Variants in PRKAR1B observed in about 807,000 individuals in gnomAD.
PRKAR1B encodes cAMP-dependent protein kinase type I-beta regulatory subunit.
PRKAR1B carries 22 observed loss-of-function variants against 46.5 expected under a neutral mutation model. That is an observed-to-expected ratio of 0.47 (90% CI 0.34 to 0.68). The LOEUF is 0.68. Among genes scored for constraint, PRKAR1B ranks in the 30% least tolerant of loss-of-function variants. The probability of loss-of-function intolerance (pLI) is 0.01; values close to 1 mark genes in which losing one functional copy is unlikely to be tolerated. For missense variants in PRKAR1B, 445 were observed against 535.6 expected, an observed-to-expected ratio of 0.83 and a Z score of 1.67; for synonymous variants, 259 against 217.7, an observed-to-expected ratio of 1.19 and a Z score of -1.67.
intron 4 of PRKAR1B, among the ~76,000 whole-genome samples, chr7:642,712 G>A (rs1463264112): frequency 1.4e-5 from 2 of 146,492 alleles, no homozygotes; most frequent in Non-Finnish European, 3.0e-5. Flanking sequence ...CAGCCTGGGC[G>A]ACAGAGCGAG....
rs551143257 is a variant in PRKAR1B, at chr7:711,207, G to C, written c.177+122C>G. ...CGCTTCTGGAAGGACCTGCAGGACG[G>C]CAGACAGTCTCTGGGGCACCCAGCC... On this transcript the variant is annotated intron_variant, in intron 2 of 10. Transcript: ENST00000537384. 4.4e-6 allele frequency: 6 copies of C among 1,350,200 alleles called. No individual in the cohort carries two copies. The East Asian group carries it at 9.4e-5, about 21-fold the overall frequency. The allele number at this position is 1,350,200 out of a possible 1,614,324, so 83.6% of individuals were successfully genotyped here. A position where few individuals can be genotyped will look rare whatever the true frequency, so the allele number is the denominator to read the frequency against.
intron 4 of PRKAR1B, among the ~76,000 whole-genome samples, chr7:624,252 G>C (rs1783261219): frequency 6.6e-6 from 1 of 152,270 alleles, no homozygotes; most frequent in African/African-American, 2.4e-5. Context: ...GGCCAACATG[G>C]GGAAACCCCA....
chr7:617,225 C>T (rs1036941893), intron 4 of PRKAR1B, among the ~76,000 whole-genome samples: 2 of 151,784 alleles, frequency 1.3e-5, no homozygotes, highest in African/African-American at 4.8e-5. Flanking sequence ...GAACTCCTGA[C>T]CTCATGATCC....
intron 4 of PRKAR1B, among the ~76,000 whole-genome samples, chr7:664,851 C>T (rs1200868983): frequency 2.0e-5 from 3 of 152,132 alleles, no homozygotes; most frequent in Admixed American, 2.0e-4. Flanking sequence ...GAAGTCGAGG[C>T]TGCAGTGAGC....
chr7:556,498 C>G (rs958681512), intron 9 of PRKAR1B, among the ~76,000 whole-genome samples: 1 of 152,238 alleles, frequency 6.6e-6, no homozygotes, highest in Non-Finnish European at 1.5e-5. Context: ...GTCAATAACG[C>G]GGAACAGTCT....
At chr7:583,023 C>T (rs1780285935) in intron 8 of PRKAR1B, among the ~76,000 whole-genome samples, 1 of 152,098 alleles carries the variant, frequency 6.6e-6, no homozygotes. Context: ...GCAAATAATC[C>T]ACAGAGACCA....
intron 4 of PRKAR1B, among the ~76,000 whole-genome samples, chr7:611,806 G>A (rs1782510459): frequency 1.4e-5 from 2 of 144,448 alleles, no homozygotes; most frequent in Admixed American, 1.4e-4. Context: ...GGACAGGCGG[G>A]TGGATTGAAC....
intron 7 of PRKAR1B, among the ~76,000 whole-genome samples, chr7:587,512 C>G (rs183379509): frequency 6.6e-6 from 1 of 152,224 alleles, no homozygotes; most frequent in Non-Finnish European, 1.5e-5. Context: ...CTACCCACTG[C>G]CCCCTCTCCT....
Position 576,984 on chromosome 7 carries a change from C to T in PRKAR1B, c.891+2272G>A, listed in dbSNP as rs186061202. On this transcript the variant is annotated intron_variant, in intron 9 of 10. Coordinates refer to ENST00000537384, the MANE Select transcript of PRKAR1B (RefSeq NM_001164760.2). ...ACGCCATCAGCGGCCTCGTCCAACG[C>T]CATCAGCGGCCTCATCCAACTCCAT... Among the ~76,000 whole-genome samples the T allele has an allele frequency of 2.1e-3, 318 of 151,624 alleles. 3 individuals are homozygous for T. The highest frequency in any genetic ancestry group is 2.4e-3 in the Non-Finnish European group (162 of 67,742).
At position 711,377 on chromosome 7, in the gene PRKAR1B, G is replaced by A. The variant is rs776216279; in HGVS notation, c.129C>T (p.Pro43=). The A allele has an allele frequency of 1.2e-5, 19 of 1,614,090 alleles. No homozygotes were observed. In the Admixed American group the frequency reaches 2.5e-4, roughly 21 times the overall value. Residue 43 remains proline (P), a synonymous_variant, in exon 2 of 11, where the codon CCC becomes CCT. Transcript: ENST00000537384. ...CCCGGAGGAACTTCATGGGGCGTTC[G>A]GGCTTGGAGATGCAGAGGTGGACGA... ...DCIVHLCISK[P]ERPMKFLREH...
At chr7:670,684 C>T (rs190961056) in intron 4 of PRKAR1B, among the ~76,000 whole-genome samples, 379 of 148,222 alleles carry the variant, frequency 2.6e-3, no homozygotes, top group African/African-American at 5.9e-3. Context: ...GGACCCAGGA[C>T]GGCCTCCGAG....
rs767410634 is a variant in PRKAR1B, at chr7:714,184, C to A, written c.-22-2657G>T. 2.6e-5 allele frequency among the ~76,000 whole-genome samples: 4 copies of A among 152,250 alleles called. 1 individual carries two copies. The highest frequency in any genetic ancestry group is 3.4e-3 in the Middle Eastern group (1 of 294). On this transcript the variant is annotated intron_variant, in intron 1 of 10. Transcript: ENST00000537384. This position sits in a 1 kb window ranked among gnomAD's most constrained non-coding sequence, Gnocchi z 4.3. The stretch of plus-strand genomic sequence containing the variant: ...ACCTAACCAAGGCGACGTCTCGCTT[C>A]GGGGGGCAGATGCTCCAGGCCTGGC...
chr7:715,765 C>G (rs1193973120), intron 1 of PRKAR1B, among the ~76,000 whole-genome samples: 37 of 151,730 alleles, frequency 2.4e-4, no homozygotes, highest in African/African-American at 6.5e-4. Context: ...ACCCAGGCTG[C>G]AGTGCAGTGG....
At chr7:699,820 G>A (rs1244984472) in intron 2 of PRKAR1B, among the ~76,000 whole-genome samples, 1 of 152,162 alleles carries the variant, frequency 6.6e-6, no homozygotes, top group Admixed American at 6.5e-5. Context: ...TGTTAGGAGA[G>A]CACTGGAAAG....
At position 680,691 on chromosome 7, in the gene PRKAR1B, T is replaced by G. The variant is rs781027465; in HGVS notation, c.213A>C (p.Ser71=). ...CATCATGGGAGTCCGACTGTGAGTT[T>G]GACTTTTGCCGCGCCAAAATCTGCC... is the stretch of plus-strand genomic sequence containing the variant. ...ENRQILARQK[S]NSQSDSHDEE... Residue 71 remains serine (S), a synonymous_variant, in exon 3 of 11, where the codon TCA becomes TCC. Transcript: ENST00000537384. The G allele has an allele frequency of 6.2e-7, 1 of 1,613,904 alleles. No individual in the cohort carries two copies. The highest frequency in any genetic ancestry group is 2.2e-5 in the East Asian group (1 of 44,880).
At chr7:590,741 C>T (rs984305047) in intron 7 of PRKAR1B, among the ~76,000 whole-genome samples, 12 of 152,240 alleles carry the variant, frequency 7.9e-5, no homozygotes, top group Non-Finnish European at 1.6e-4. Context: ...CAAAAGCCCA[C>T]AGCCCAGCAG....
intron 7 of PRKAR1B, among the ~76,000 whole-genome samples, chr7:587,277 C>T (rs1449215131): frequency 1.3e-5 from 2 of 152,202 alleles, no homozygotes; most frequent in African/African-American, 4.8e-5. Flanking sequence ...CCACTCCAAT[C>T]ACTCACAGGA....
intron 4 of PRKAR1B, among the ~76,000 whole-genome samples, chr7:637,701 G>A (rs10273099): frequency 0.017 from 2,583 of 152,112 alleles, 71 homozygotes; most frequent in African/African-American, 0.058. Flanking sequence ...CGGGTGTGGT[G>A]GCAGGTGCCT....
At chr7:696,877 G>C (rs959315661) in intron 2 of PRKAR1B, 3 of 152,478 alleles carry the variant, frequency 2.0e-5, no homozygotes, top group Non-Finnish European at 4.4e-5. Flanking sequence ...CAGCGAGCAG[G>C]GCCCCTCCCC....
Sources: allele counts gnomAD v4.1 joint callset (sites outside exome capture counted in the v4.1 genomes callset), GRCh38; gene constraint gnomAD v4.1.1; non-coding constraint Gnocchi (gnomAD v3.1); transcripts MANE v1.5; gene names NCBI Gene and HGNC (gene_info 2026-07-23, HGNC 2026-07-21).